Variants in EIF2S3 observed in about 807,000 individuals in gnomAD.
The protein encoded by EIF2S3 is eukaryotic translation initiation factor 2 subunit gamma, also known as eukaryotic translation initiation factor 2 subunit 3.
Under a neutral mutation model 31.7 loss-of-function variants are expected in EIF2S3, and 2 were observed. That is an observed-to-expected ratio of 0.06 (90% CI 0.03 to 0.20). The LOEUF is 0.20. Ranked by LOEUF, EIF2S3 falls within the 10% of genes least tolerant of loss-of-function variation. EIF2S3 has a pLI of 1.00. For missense variants in EIF2S3, 96 were observed against 359.3 expected, an observed-to-expected ratio of 0.27 and a Z score of 5.92; for synonymous variants, 120 against 126.7, an observed-to-expected ratio of 0.95 and a Z score of 0.36.
At chrX:24,056,436 A>C (rs1930404617) in intron 2 of EIF2S3, among the ~76,000 whole-genome samples, 1 of 112,202 alleles carries the variant, frequency 8.9e-6, no homozygotes, top group African/African-American at 3.2e-5. Context: ...ATATTGACCC[A>C]ATAATTTGAT....
chrX:24,059,803 C>T (rs188398116), intron 4 of EIF2S3, among the ~76,000 whole-genome samples: 1 of 111,874 alleles, frequency 8.9e-6, no homozygotes. Context: ...AAATCAATGA[C>T]ATTCTCAGTA....
In EIF2S3 at chrX:24,077,691, C is replaced by A. The variant is rs1930777013; in HGVS notation, c.*906C>A. ...GGACAAATATTTTTCTCCCCTTGCT[C>A]TTCCTGGCCTGAAACACGGGAAACC... On this transcript the variant is annotated 3_prime_UTR_variant, in exon 12 of 12. Transcript: ENST00000253039. The A allele has an allele frequency of 9.0e-6, 1 of 111,702 alleles. No individual in the cohort carries two copies. Among genetic ancestry groups the A allele is most frequent in the African/African-American group, 3.3e-5 (1 of 30,738 alleles). The allele number at this position is 111,702 out of a possible 1,213,427, so 9.2% of individuals were successfully genotyped here.
At chrX:24,065,722 G>A (rs761278897) in intron 7 of EIF2S3, among the ~76,000 whole-genome samples, 1 of 112,001 alleles carries the variant, frequency 8.9e-6, no homozygotes, top group Non-Finnish European at 1.9e-5. Context: ...CATCCTTCCA[G>A]ATCATTACAT....
chrX:24,065,884 C>T, intron 7 of EIF2S3, 114 bp from the exon 8 acceptor site: 2 of 577,558 alleles, frequency 3.5e-6, no homozygotes, highest in Non-Finnish European at 2.7e-6. Context: ...GTTAAAAAGG[C>T]ACCCCTTTGG....
chrX:24,078,644 G>A lies in EIF2S3; in HGVS notation c.*1859G>A, dbSNP rs1331263873. On this transcript the variant is annotated 3_prime_UTR_variant, in exon 12 of 12. Transcript: ENST00000253039. ...ATTGAGATGGGATTTGAAGCATATT[G>A]TGCTCTTGTGAATGTTGAAGTTGCA... Among the ~76,000 whole-genome samples, 1 of 111,930 alleles carries A rather than the reference G, an allele frequency of 8.9e-6. No homozygotes were observed. Among genetic ancestry groups the A allele is most frequent in the Non-Finnish European group, 1.9e-5 (1 of 53,225 alleles).
Position 24,068,086 on chromosome X carries a change from T to C in EIF2S3, c.990T>C (p.Tyr330=), listed in dbSNP as rs1228498027. 1.7e-6 allele frequency: 2 copies of C among 1,192,838 alleles called. No individual in the cohort carries two copies. Among genetic ancestry groups the C allele is most frequent in the Admixed American group, 4.4e-5 (2 of 45,193 alleles). The change falls in exon 9 of 12, where the codon TAT becomes TAC. Residue 330 remains tyrosine, a synonymous_variant. Transcript: ENST00000253039. ...SLFAEHNDLQ[Y]AAPGGLIGVG... ...TTGCGGAGCATAATGATCTGCAATA[T>C]GCTGCTCCAGGCGGTCTTATTGGTA...
chrX:24,055,517 T>C, intron 1 of EIF2S3, 98 bp from the exon 2 acceptor site: 1 of 837,255 alleles, frequency 1.2e-6, no homozygotes, highest in Non-Finnish European at 1.8e-6. Flanking sequence ...AGTGGAAAGC[T>C]GTGCAGATGG....
At chrX:24,069,850 CCAG>C (rs1930638264) in intron 9 of EIF2S3, among the ~76,000 whole-genome samples, 1 of 107,812 alleles carries the variant, frequency 9.3e-6, no homozygotes, top group African/African-American at 3.4e-5. Flanking sequence ...ACCACCACAG[CCAG>C]CTAATTTTTG....
At chrX:24,060,879 C>T (rs934066712) in intron 5 of EIF2S3, among the ~76,000 whole-genome samples, 1 of 90,502 alleles carries the variant, frequency 1.1e-5, no homozygotes, top group Non-Finnish European at 2.1e-5. Context: ...ACCCGGGAGG[C>T]AGAGGTTGCA....
rs775164804 is a variant in EIF2S3, at chrX:24,077,889, T to C, written c.*1104T>C. ...ATTTTATGTTTTTTCTTAACTGTTA[T>C]ATTATGATTGTGACATAGATTATAC... On this transcript the variant is annotated 3_prime_UTR_variant, in exon 12 of 12. Transcript: ENST00000253039. The C allele has an allele frequency of 8.9e-6, 1 of 112,202 alleles. No individual in the cohort carries two copies. Among genetic ancestry groups the C allele is most frequent in the Non-Finnish European group, 1.9e-5 (1 of 53,313 alleles). The allele number at this position is 112,202 out of a possible 1,213,427, so 9.2% of individuals were successfully genotyped here. A position where few individuals can be genotyped will look rare whatever the true frequency, so the allele number is the denominator to read the frequency against.
At chrX:24,058,589 G>A (rs1354746237) in intron 4 of EIF2S3, among the ~76,000 whole-genome samples, 24 of 100,897 alleles carry the variant, frequency 2.4e-4, no homozygotes, top group Non-Finnish European at 4.2e-4. Context: ...TTGGAGTGCA[G>A]TGGTGCGATC....
At chrX:24,065,937 A>G (rs1930565010) in intron 7 of EIF2S3, 61 bp from the exon 8 acceptor site, 2 of 1,031,856 alleles carry the variant, frequency 1.9e-6, no homozygotes, top group East Asian at 6.1e-5. Flanking sequence ...ATTAACATGG[A>G]AAATAATATT....
At position 24,055,580 on chromosome X, in the gene EIF2S3, T is replaced by C. The variant is rs765813361; in HGVS notation, c.70-35T>C. The C allele has an allele frequency of 1.5e-5, 18 of 1,189,229 alleles. 2 individuals carry two copies. In the South Asian group the frequency reaches 3.0e-4, roughly 20 times the overall value. On this transcript the variant is annotated intron_variant, in intron 1 of 11. Transcript: ENST00000253039. ...GTCAAAGGAAAAGTTCTCATTTGTT[T>C]TACGTGCAGTGTTTTAAAATATATT...
Position 24,068,014 on chromosome X carries a change from A to T in EIF2S3, c.918A>T (p.Glu306Asp). The T allele has an allele frequency of 8.3e-7, 1 of 1,204,930 alleles. No individual in the cohort carries two copies. Among genetic ancestry groups the T allele is most frequent in the Non-Finnish European group, 1.1e-6 (1 of 890,804 alleles). ...CTGGTATTGTTTCCAAAGATAGTGA[A>T]GGAAAACTCATGTGTAAACCAATCT... ...VRPGIVSKDSEGKLMCKPIFS... is the reference protein window; with the variant it reads ...VRPGIVSKDSDGKLMCKPIFS... Residue 306 changes from glutamate to aspartate, a missense_variant, in exon 9 of 12, where the codon GAA becomes GAT. This residue lies in a region of EIF2S3 where 30 missense variants were observed against 139.5 expected (regional missense o/e 0.22). Transcript: ENST00000253039.
intron 9 of EIF2S3, among the ~76,000 whole-genome samples, chrX:24,070,450 T>TTG (rs1555984492): frequency 6.1e-5 from 5 of 82,603 alleles, no homozygotes; most frequent in African/African-American, 2.2e-4. Context: ...TTTTTTTTTT[T>TTG]TTTTTTTTTT....
At chrX:24,062,654 T>G (rs1386048684) in intron 6 of EIF2S3, 80 bp downstream of exon 6, 1 of 1,049,072 alleles carries the variant, frequency 9.5e-7, no homozygotes, top group Non-Finnish European at 1.3e-6. Flanking sequence ...TAAATTAACT[T>G]TTAATATATT....
Position 24,078,176 on chromosome X carries a change from C to G in EIF2S3, c.*1391C>G, listed in dbSNP as rs927794624. Among the ~76,000 whole-genome samples, 4 of 110,654 alleles carry G rather than the reference C, an allele frequency of 3.6e-5. No individual in the cohort carries two copies. The highest frequency in any genetic ancestry group is 7.6e-5 in the Non-Finnish European group (4 of 52,898). On this transcript the variant is annotated 3_prime_UTR_variant, in exon 12 of 12. Coordinates refer to ENST00000253039, the MANE Select transcript of EIF2S3 (RefSeq NM_001415.4). ...ATGTAGCTGATATTACAGGCACTTG[C>G]CACCATACCCGGCTAATTTTTGTAT...
intron 11 of EIF2S3, among the ~76,000 whole-genome samples, chrX:24,073,876 CCT>C (rs1930710956): frequency 2.7e-5 from 3 of 111,882 alleles, no homozygotes; most frequent in African/African-American, 9.7e-5. Context: ...ACAGAAAACT[CCT>C]CTATAGCTTT....
chrX:24,065,323 C>A (rs1602044243), intron 7 of EIF2S3, among the ~76,000 whole-genome samples: 1 of 111,574 alleles, frequency 9.0e-6, no homozygotes, highest in African/African-American at 3.3e-5. Flanking sequence ...CGTGTATAAA[C>A]ATATACACAG....
Sources: allele counts gnomAD v4.1 joint callset (sites outside exome capture counted in the v4.1 genomes callset), GRCh38; gene constraint gnomAD v4.1.1; regional missense constraint gnomAD v4.1.1; transcripts MANE v1.5; gene names NCBI Gene and HGNC (gene_info 2026-07-23, HGNC 2026-07-21).